The following AARS1 variants were observed in gnomAD, a reference collection of about 807,000 sequenced individuals.
The protein encoded by AARS1 is alanine--tRNA ligase, cytoplasmic.
AARS1 carries 72 observed loss-of-function variants against 108.9 expected under a neutral mutation model. That is an observed-to-expected ratio of 0.66 (90% CI 0.55 to 0.80). The LOEUF (loss-of-function observed/expected upper bound fraction) is 0.80, where lower values mean the gene tolerates loss of function less well. Ranked by LOEUF, AARS1 falls within the 30% of genes least tolerant of loss-of-function variation. The pLI is 0.00. For missense variants in AARS1, 1,193 were observed against 1,233.2 expected (o/e 0.97, Z 0.49); for synonymous variants, 489 against 465.7 (o/e 1.05, Z -0.64).
At chr16:70,288,244 T>A (rs1166433619) in intron 1 of AARS1, among the ~76,000 whole-genome samples, 5 of 150,910 alleles carry the variant, frequency 3.3e-5, no homozygotes, top group Admixed American at 3.3e-4. Context: ...CTGGGACTAC[T>A]GGGACTACGG....
chr16:70,288,756 G>C (rs1333841835), intron 1 of AARS1, among the ~76,000 whole-genome samples: 1 of 151,610 alleles, frequency 6.6e-6, no homozygotes, highest in South Asian at 2.1e-4. Flanking sequence ...TAGTAAAGAC[G>C]GGGTTTCACC....
intron 1 of AARS1, 99 bp downstream of exon 1, chr16:70,289,322 G>T (rs1251619648): frequency 2.8e-6 from 1 of 351,118 alleles, no homozygotes; most frequent in Non-Finnish European, 5.6e-6. Context: ...GGCCACGCGG[G>T]GCCTGATCCT....
At chr16:70,265,725 C>A in intron 9 of AARS1, 63 bp from the exon 10 acceptor site, 2 of 1,603,462 alleles carry the variant, frequency 1.2e-6, no homozygotes, top group Non-Finnish European at 1.7e-6. Flanking sequence ...GCCAAGCCCT[C>A]CAAAAGGATG....
intron 11 of AARS1, among the ~76,000 whole-genome samples, chr16:70,263,293 C>A (rs1268890261): frequency 6.6e-6 from 1 of 152,094 alleles, no homozygotes; most frequent in African/African-American, 2.4e-5. Context: ...TGTTCTCAGC[C>A]GGGCACGGTG....
intron 12 of AARS1, among the ~76,000 whole-genome samples, chr16:70,261,581 G>A (rs1439945731): frequency 6.0e-5 from 8 of 133,708 alleles, no homozygotes; most frequent in Middle Eastern, 5.4e-3. Flanking sequence ...CTTGGCTACA[G>A]AGCGAGACTC....
At chr16:70,258,907 A>G in intron 14 of AARS1, 73 bp downstream of exon 14, 1 of 1,485,226 alleles carries the variant, frequency 6.7e-7, no homozygotes, top group Non-Finnish European at 9.4e-7. Flanking sequence ...GAGTGAGAGC[A>G]CCGCACTGCT....
intron 16 of AARS1, among the ~76,000 whole-genome samples, chr16:70,255,235 C>T (rs565284617): frequency 4.5e-4 from 65 of 146,004 alleles, no homozygotes; most frequent in Non-Finnish European, 7.1e-4. Context: ...AGTCTCGCCC[C>T]GTCACCCAAG....
Position 70,265,630 on chromosome 16 carries a change from C to CATAGGTGTCAT in AARS1, c.1244_1254dup (p.Gly419MetfsTer10). The stretch of plus-strand genomic sequence containing the variant: ...AGTCCAGTCAGATCCACTGGAAACC[C>CATAGGTGTCAT]ATAGGTGTCATAGAGGAGCCAAGCA... On this transcript the variant is annotated frameshift_variant, in exon 10 of 21. Coordinates refer to ENST00000261772, the MANE Select transcript of AARS1 (RefSeq NM_001605.3). LOFTEE classifies it high-confidence loss of function. 2 of 1,613,890 alleles carry CATAGGTGTCAT rather than the reference C, an allele frequency of 1.2e-6. No homozygotes were observed. The highest frequency in any genetic ancestry group is 1.7e-6 in the Non-Finnish European group (2 of 1,179,890).
Position 70,283,391 on chromosome 16 carries a change from G to A in AARS1, c.-21-607C>T, listed in dbSNP as rs150099832. 9.5e-3 allele frequency among the ~76,000 whole-genome samples: 1,424 copies of A among 150,078 alleles called. 31 individuals carry two copies. Among genetic ancestry groups the A allele is most frequent in the African/African-American group, 0.033 (1,339 of 40,732 alleles). ...CAGCCTGGCGACAGAGAGAGACTCC[G>A]TCTCAAAAAAACAAAAAAAGAAGGA... On this transcript the variant is annotated intron_variant, in intron 1 of 20. Transcript: ENST00000261772.
chr16:70,273,289 G>A (rs1960454965), intron 4 of AARS1, among the ~76,000 whole-genome samples: 1 of 152,054 alleles, frequency 6.6e-6, no homozygotes, highest in African/African-American at 2.4e-5. Context: ...GTCTACAGAG[G>A]GCACACACCC....
chr16:70,286,628 G>T (rs1160331215), intron 1 of AARS1, among the ~76,000 whole-genome samples: 1 of 147,992 alleles, frequency 6.8e-6, no homozygotes, highest in Non-Finnish European at 1.5e-5. Context: ...ACAAGGTCAG[G>T]AGATCAAGAC....
intron 20 of AARS1, 133 bp from the exon 21 acceptor site, chr16:70,253,039 T>A (rs1959880876): frequency 9.1e-7 from 1 of 1,100,352 alleles, no homozygotes; most frequent in East Asian, 2.5e-5. Flanking sequence ...GAGACAGACT[T>A]TACGGCTGGT....
At chr16:70,283,400 A>C (rs1213446280) in intron 1 of AARS1, among the ~76,000 whole-genome samples, 1 of 152,056 alleles carries the variant, frequency 6.6e-6, no homozygotes, top group Non-Finnish European at 1.5e-5. Context: ...CGTCTCAAAA[A>C]AACAAAAAAA....
At chr16:70,287,254 C>CAAAAAAAAAAAAAAAA (rs71151181) in intron 1 of AARS1, among the ~76,000 whole-genome samples, 1 of 39,430 alleles carries the variant, frequency 2.5e-5, no homozygotes, top group Admixed American at 4.0e-4. Flanking sequence ...GACTCCGTCT[C>CAAAAAAAAAAAAAAAA]AAAAAAAAAA....
At position 70,259,130 on chromosome 16, in the gene AARS1, G is replaced by A. The variant is rs1057521642; in HGVS notation, c.1842C>T (p.Ala614=). The stretch of plus-strand genomic sequence containing the variant: ...CAGCTTCCCCAAGCACTGAGCGCAG[G>A]GCGAAGTTCAGAATGTGCGTAGCTG... ...NHTATHILNF[A]LRSVLGEADQ... The change falls in exon 14 of 21, where the codon GCC becomes GCT. Residue 614 remains alanine, a synonymous_variant. Coordinates refer to ENST00000261772, the MANE Select transcript of AARS1 (RefSeq NM_001605.3). 2.5e-6 allele frequency: 4 copies of A among 1,614,166 alleles called. No homozygotes were observed. The highest frequency in any genetic ancestry group is 4.5e-5 in the East Asian group (2 of 44,882).
chr16:70,257,907 T>G (rs1033993225), intron 15 of AARS1, 126 bp downstream of exon 15: 4 of 1,040,234 alleles, frequency 3.8e-6, no homozygotes, highest in Non-Finnish European at 5.9e-6. Flanking sequence ...GAACGCTATT[T>G]AGCAACGGCA....
chr16:70,287,835 G>A (rs543961282), intron 1 of AARS1, among the ~76,000 whole-genome samples: 1 of 151,598 alleles, frequency 6.6e-6, no homozygotes, highest in Non-Finnish European at 1.5e-5. Flanking sequence ...GCGCAACCTC[G>A]GCTCACCGCA....
chr16:70,267,984 A>G (rs777519914), intron 8 of AARS1, among the ~76,000 whole-genome samples, 175 bp from the exon 9 acceptor site: 4 of 152,196 alleles, frequency 2.6e-5, no homozygotes, highest in African/African-American at 4.8e-5. Flanking sequence ...CCTGGGCAAC[A>G]CGGTGAAACC....
intron 1 of AARS1, among the ~76,000 whole-genome samples, chr16:70,285,264 A>G (rs1960811192): frequency 6.6e-6 from 1 of 151,696 alleles, no homozygotes; most frequent in African/African-American, 2.4e-5. Flanking sequence ...AAGGAACAGA[A>G]TGGATAATAT....
Sources: allele counts gnomAD v4.1 joint callset (sites outside exome capture counted in the v4.1 genomes callset), GRCh38; gene constraint gnomAD v4.1.1; transcripts MANE v1.5; gene names NCBI Gene and HGNC (gene_info 2026-07-23, HGNC 2026-07-21).